The following DNAJC13 variants were observed in gnomAD, a reference collection of about 807,000 sequenced individuals.
DNAJC13 encodes DnaJ heat shock protein family (Hsp40) member C13.
DNAJC13 carries 75 observed loss-of-function variants against 290.5 expected under a neutral mutation model. The ratio of observed to expected loss-of-function variants is 0.26; its 90% CI spans 0.21 to 0.31. The LOEUF (loss-of-function observed/expected upper bound fraction) is 0.31, where lower values mean the gene tolerates loss of function less well. Among genes scored for constraint, DNAJC13 ranks in the 10% least tolerant of loss-of-function variants. The pLI is 1.00. For missense variants in DNAJC13, 2,260 were observed against 2,674.5 expected (o/e 0.85, Z 3.42); for synonymous variants, 862 against 892.0 (o/e 0.97, Z 0.60).
intron 31 of DNAJC13, among the ~76,000 whole-genome samples, chr3:132,489,246 T>C (rs898090269): frequency 6.6e-6 from 1 of 152,196 alleles, no homozygotes; most frequent in African/African-American, 2.4e-5. Flanking sequence ...ATATTGAAAT[T>C]GCAGCTATGA....
intron 14 of DNAJC13, 114 bp from the exon 15 acceptor site, chr3:132,460,936 A>G: frequency 1.0e-6 from 1 of 999,918 alleles, no homozygotes. Context: ...GAGAAATTAA[A>G]GTCAATGTTG....
At chr3:132,432,997 G>A (rs1420406470) in intron 1 of DNAJC13, among the ~76,000 whole-genome samples, 1 of 152,064 alleles carries the variant, frequency 6.6e-6, no homozygotes, top group Non-Finnish European at 1.5e-5. Flanking sequence ...TTCATAAAGT[G>A]GAATACCATA....
chr3:132,434,404 C>G (rs1385294491), intron 1 of DNAJC13, 134 bp from the exon 2 acceptor site: 2 of 461,388 alleles, frequency 4.3e-6, no homozygotes, highest in African/African-American at 4.1e-5. Context: ...AAAAACAAAA[C>G]CTTATGGTCT....
chr3:132,420,644 C>T (rs1466277860), intron 1 of DNAJC13, among the ~76,000 whole-genome samples: 1 of 151,840 alleles, frequency 6.6e-6, no homozygotes, highest in Non-Finnish European at 1.5e-5. Flanking sequence ...CAAAGAGGCA[C>T]AACACAAAGA....
At chr3:132,470,846 TC>T (rs1934204735) in intron 20 of DNAJC13, among the ~76,000 whole-genome samples, 1 of 59,962 alleles carries the variant, frequency 1.7e-5, no homozygotes, top group South Asian at 5.5e-4. Flanking sequence ...GGGGGGCTGA[TC>T]CCCCCACCTC....
At position 132,456,751 on chromosome 3, in the gene DNAJC13, C is replaced by A. The variant is rs147898644; in HGVS notation, c.1268C>A (p.Ala423Glu). Residue 423 changes from alanine to glutamate, a missense_variant, in exon 12 of 56, where the codon GCG becomes GAG. By Grantham distance (107) the Ala-to-Glu change is moderately radical. Around this residue, in one of 3 missense-constraint regions of DNAJC13, gnomAD observed 762 missense variants for 964.1 expected, o/e 0.79. Transcript: ENST00000260818. ...SQEGDVVASN[A>E]ELESQFQAVR... is the part of the protein sequence containing the mutation. ...GAAGGGGATGTCGTTGCTTCAAATG[C>A]GGAACTTGAGAGTCAGTTCCAGGCT... The A allele has an allele frequency of 6.2e-6, 10 of 1,614,078 alleles. No homozygotes were observed. The highest frequency in any genetic ancestry group is 4.5e-5 in the East Asian group (2 of 44,876).
At chr3:132,439,977 GCTGGACGCAGTGGCTCACGACTATAAT>G (rs1216794778) in intron 2 of DNAJC13, among the ~76,000 whole-genome samples, 3 of 152,214 alleles carry the variant, frequency 2.0e-5, no homozygotes, top group Non-Finnish European at 4.4e-5. Flanking sequence ...GCAGTCATGG[GCTGGACGCAGTGGCTCACGACTATAAT>G]CCGAGCACTT....
chr3:132,444,339 C>G (rs1319907273), intron 2 of DNAJC13, among the ~76,000 whole-genome samples: 1 of 152,156 alleles, frequency 6.6e-6, no homozygotes, highest in Non-Finnish European at 1.5e-5. Flanking sequence ...GAAAGTCTTT[C>G]TTATTGGACA....
At chr3:132,456,611 G>A (rs1333825204) in intron 11 of DNAJC13, 31 bp downstream of exon 11, 1 of 1,613,092 alleles carries the variant, frequency 6.2e-7, no homozygotes, top group Non-Finnish European at 8.5e-7. Context: ...ATTGTTCATT[G>A]TTACTAACTT....
intron 29 of DNAJC13, among the ~76,000 whole-genome samples, chr3:132,486,432 G>A (rs1391858569): frequency 6.6e-6 from 1 of 152,100 alleles, no homozygotes; most frequent in East Asian, 1.9e-4. Flanking sequence ...TCTAGGAAGG[G>A]ATGATTAAAA....
At chr3:132,434,259 A>T (rs1939317996) in intron 1 of DNAJC13, among the ~76,000 whole-genome samples, 1 of 143,080 alleles carries the variant, frequency 7.0e-6, no homozygotes, top group Non-Finnish European at 1.5e-5. Flanking sequence ...GGTGGCAGGA[A>T]CCTGTAGTCC....
At chr3:132,510,949 T>A in intron 43 of DNAJC13, 118 bp from the exon 44 acceptor site, 1 of 1,101,938 alleles carries the variant, frequency 9.1e-7, no homozygotes. Flanking sequence ...GGTGTATTCA[T>A]GTGTATGTAT....
chr3:132,443,851 A>G (rs888985142), intron 2 of DNAJC13, among the ~76,000 whole-genome samples: 1 of 152,174 alleles, frequency 6.6e-6, no homozygotes, highest in Non-Finnish European at 1.5e-5. Flanking sequence ...TCTAGCATGC[A>G]TACAACTCCA....
intron 53 of DNAJC13, 22 bp from the exon 54 acceptor site, chr3:132,528,167 A>G (rs112750944): frequency 1.6e-5 from 26 of 1,612,882 alleles, no homozygotes; most frequent in East Asian, 4.5e-5. Context: ...GTGTGTTTAT[A>G]TATGCTTAAT....
In DNAJC13 at chr3:132,488,352, C is replaced by T. The variant is rs201606696; in HGVS notation, c.3322C>T (p.His1108Tyr). ...TGAGAAGGTTGCTATTTTGTTATAC[C>T]ATATCATGCAAGATAACCCACAGTT... ...LVEKVAILLY[H>Y]IMQDNPQLPR... Residue 1108 changes from histidine (H) to tyrosine (Y), a missense_variant, in exon 30 of 56, where the codon CAT becomes TAT. Transcript: ENST00000260818. 10 of 1,613,180 alleles carry T rather than the reference C, an allele frequency of 6.2e-6. No individual in the cohort carries two copies. The East Asian group carries it at 1.6e-4, about 25-fold the overall frequency.
rs187136891 is a variant in DNAJC13, at chr3:132,512,118, A to G, written c.5293+874A>G. ...AGTTGTCAAAGTGTCGAATATTACT[A>G]GTGGTATGTTAGGTACAAAGAAATT... is the stretch of plus-strand genomic sequence containing the variant. On this transcript the variant is annotated intron_variant, in intron 44 of 55. Coordinates refer to ENST00000260818, the MANE Select transcript of DNAJC13 (RefSeq NM_015268.4). 2.7e-3 allele frequency among the ~76,000 whole-genome samples: 405 copies of G among 152,302 alleles called. 3 individuals are homozygous for G. Among genetic ancestry groups the G allele is most frequent in the African/African-American group, 8.2e-3 (341 of 41,574 alleles).
intron 39 of DNAJC13, among the ~76,000 whole-genome samples, chr3:132,501,819 G>T (rs1220213201): frequency 6.6e-6 from 1 of 152,134 alleles, no homozygotes; most frequent in African/African-American, 2.4e-5. Flanking sequence ...TAGTACTAAA[G>T]TATCAAGAAG....
chr3:132,431,355 G>A (rs1043013822), intron 1 of DNAJC13, among the ~76,000 whole-genome samples: 1 of 152,132 alleles, frequency 6.6e-6, no homozygotes, highest in Non-Finnish European at 1.5e-5. Context: ...AGAGGGAATA[G>A]GGTAGAATGA....
intron 21 of DNAJC13, among the ~76,000 whole-genome samples, 188 bp from the exon 22 acceptor site, chr3:132,474,744 G>A (rs1559886086): frequency 7.1e-6 from 1 of 140,928 alleles, no homozygotes; most frequent in Non-Finnish European, 1.5e-5. Flanking sequence ...CCAAGATTCT[G>A]TCATTAATGT....
Sources: gnomAD v4.1 joint callset for allele counts (sites outside exome capture counted in the v4.1 genomes callset) on GRCh38, gnomAD v4.1.1 for gene constraint, gnomAD v4.1.1 regional missense constraint, MANE v1.5 for transcripts, NCBI Gene and HGNC (gene_info 2026-07-23, HGNC 2026-07-21) for gene names.